MSH4: variants seen among roughly 807,000 people sequenced by gnomAD.
MSH4 encodes the protein mutS homolog 4, also known as mutS protein homolog 4.
MSH4 carries 106 observed loss-of-function variants against 113.7 expected under a neutral mutation model. The ratio of observed to expected loss-of-function variants is 0.93; its 90% CI spans 0.80 to 1.10. The LOEUF (loss-of-function observed/expected upper bound fraction) is 1.10, where lower values mean the gene tolerates loss of function less well. Among genes scored for constraint, MSH4 ranks in the 50% least tolerant of loss-of-function variants. MSH4 has a pLI of 0.00. For synonymous variants in MSH4, 368 were observed against 380.2 expected (o/e 0.97, Z 0.37); for missense variants, 1,061 against 1,093.7 (o/e 0.97, Z 0.42).
chr1:75,852,100 A>G (rs1175005845), intron 8 of MSH4, among the ~76,000 whole-genome samples: 1 of 152,230 alleles, frequency 6.6e-6, no homozygotes, highest in Admixed American at 6.5e-5. Context: ...AGATTTGCCT[A>G]TCCTGGACAT....
chr1:75,800,949 CAG>C (rs58314453), intron 1 of MSH4, among the ~76,000 whole-genome samples: 38,161 of 151,898 alleles, frequency 0.25, 6,183 homozygotes, highest in East Asian at 0.68. Context: ...GACTGAGGAA[CAG>C]AATTTAAATT....
chr1:75,814,828 G>C (rs541232655), intron 4 of MSH4, among the ~76,000 whole-genome samples, 193 bp from the exon 5 acceptor site: 1 of 152,000 alleles, frequency 6.6e-6, no homozygotes, highest in African/African-American at 2.4e-5. Flanking sequence ...TCTAATAAGA[G>C]ATACAAACTA....
Position 75,880,153 on chromosome 1 carries a change from T to G in MSH4, c.1781T>G (p.Met594Arg). 1 of 1,453,462 alleles carries G rather than the reference T, an allele frequency of 6.9e-7. No homozygotes were observed. Among genetic ancestry groups the G allele is most frequent in the Non-Finnish European group, 9.5e-7 (1 of 1,052,050 alleles). 90.0% of individuals were successfully genotyped at this position (1,453,462 alleles called of 1,614,324 possible). Residue 594 changes from methionine to arginine, a missense_variant and splice_region_variant, in exon 13 of 20, where the codon ATG (methionine) becomes AGG (arginine). Physicochemically the swap from Met to Arg is moderately conservative, Grantham distance 91 (BLOSUM62 -1). Transcript: ENST00000263187. ...AGAGAAATCTATCACATGACTTATATGTAAGAGCATTTGAAGTATTTGAAT... is the reference window on the plus strand; with the variant it reads ...AGAGAAATCTATCACATGACTTATAGGTAAGAGCATTTGAAGTATTTGAAT... Reference protein sequence around the residue: ...SLREIYHMTYMIVCKLLSEIY... With the variant: ...SLREIYHMTYRIVCKLLSEIY...
chr1:75,848,169 C>T, intron 7 of MSH4, 40 bp from the exon 8 acceptor site: 1 of 1,319,792 alleles, frequency 7.6e-7, no homozygotes, highest in Non-Finnish European at 1.1e-6. Flanking sequence ...TTGAACTGTA[C>T]CATAAAGTTT....
At position 75,852,079 on chromosome 1, in the gene MSH4, T is replaced by C. The variant is rs143543858; in HGVS notation, c.1230+3803T>C. On this transcript the variant is annotated intron_variant, in intron 8 of 19. Transcript: ENST00000263187. ...GCCTTAGACAACCAGTAATCTATTG[T>C]CTGTCTCTACAGATTTGCCTATCCT... 2.9e-3 allele frequency among the ~76,000 whole-genome samples: 435 copies of C among 152,324 alleles called. 5 individuals carry two copies. The highest frequency in any genetic ancestry group is 0.01 in the African/African-American group (421 of 41,576).
At chr1:75,861,795 C>A (rs994476203) in intron 8 of MSH4, among the ~76,000 whole-genome samples, 1 of 152,226 alleles carries the variant, frequency 6.6e-6, no homozygotes, top group African/African-American at 2.4e-5. Context: ...CCACTGCTCT[C>A]TTCAGAGCTG....
intron 6 of MSH4, among the ~76,000 whole-genome samples, chr1:75,821,905 G>A (rs540647594): frequency 1.2e-4 from 19 of 152,242 alleles, no homozygotes; most frequent in African/African-American, 4.1e-4. Context: ...GCAACCGTGC[G>A]TGGCCCAAAA....
At chr1:75,850,241 C>A (rs1204856125) in intron 8 of MSH4, among the ~76,000 whole-genome samples, 1 of 152,058 alleles carries the variant, frequency 6.6e-6, no homozygotes, top group Non-Finnish European at 1.5e-5. Flanking sequence ...AAGGAGGAAG[C>A]TGAGGTCATT....
chr1:75,824,547 A>G (rs1650502864), intron 7 of MSH4, among the ~76,000 whole-genome samples: 1 of 152,188 alleles, frequency 6.6e-6, no homozygotes, highest in African/African-American at 2.4e-5. Flanking sequence ...GTCTTTGCCT[A>G]TGCCTATATC....
At chr1:75,849,001 G>A (rs569817456) in intron 8 of MSH4, among the ~76,000 whole-genome samples, 7 of 152,160 alleles carry the variant, frequency 4.6e-5, no homozygotes, top group Admixed American at 4.6e-4. Flanking sequence ...GTGCGATTTT[G>A]GCTCACTGCA....
At chr1:75,802,226 C>T (rs1482691459) in intron 1 of MSH4, among the ~76,000 whole-genome samples, 1 of 151,928 alleles carries the variant, frequency 6.6e-6, no homozygotes, top group Non-Finnish European at 1.5e-5. Flanking sequence ...TTTAAGGAGT[C>T]GTTACAGCTA....
intron 17 of MSH4, among the ~76,000 whole-genome samples, chr1:75,891,690 GTGAT>G (rs1220764358): frequency 6.6e-6 from 1 of 152,154 alleles, no homozygotes; most frequent in Non-Finnish European, 1.5e-5. Context: ...CTGGGCTCAA[GTGAT>G]CCACTCACTT....
intron 2 of MSH4, among the ~76,000 whole-genome samples, chr1:75,804,870 C>G (rs1261459670): frequency 6.6e-6 from 1 of 151,644 alleles, no homozygotes; most frequent in Non-Finnish European, 1.5e-5. Flanking sequence ...GCTCTGTCGC[C>G]CAGGCTGGAA....
chr1:75,803,717 T>A lies in MSH4; in HGVS notation c.245-14T>A. On this transcript the variant is annotated splice_polypyrimidine_tract_variant and intron_variant, in intron 1 of 19. Coordinates refer to ENST00000263187, the MANE Select transcript of MSH4 (RefSeq NM_002440.4). ...CAAATCTTTAAGAATTGACTGTTAA[T>A]TTTTCAAATTTAGGTTCATACTTTG... 6.6e-7 allele frequency: 1 copy of A among 1,526,270 alleles called. No homozygotes were observed. The highest frequency in any genetic ancestry group is 8.8e-7 in the Non-Finnish European group (1 of 1,136,558). The allele number at this position is 1,526,270 out of a possible 1,614,324, so 94.5% of individuals were successfully genotyped here. A position where few individuals can be genotyped will look rare whatever the true frequency, so the allele number is the denominator to read the frequency against.
At chr1:75,829,225 C>T (rs542666595) in intron 7 of MSH4, among the ~76,000 whole-genome samples, 35 of 152,238 alleles carry the variant, frequency 2.3e-4, no homozygotes, top group African/African-American at 7.2e-4. Flanking sequence ...AAGGTGGCAG[C>T]GAGGCTGGGG....
intron 9 of MSH4, among the ~76,000 whole-genome samples, chr1:75,875,359 G>A (rs993729936): frequency 6.6e-6 from 1 of 152,190 alleles, no homozygotes; most frequent in Admixed American, 6.5e-5. Flanking sequence ...AAAAATGTGT[G>A]ATGGGCTTAT....
chr1:75,902,666 T>A (rs1652529308), intron 19 of MSH4, among the ~76,000 whole-genome samples: 2 of 121,088 alleles, frequency 1.7e-5, no homozygotes, highest in South Asian at 5.6e-4. Flanking sequence ...GTGTTATATA[T>A]GTGTATGTAT....
At position 75,899,650 on chromosome 1, in the gene MSH4, C is replaced by A; in HGVS notation, c.2563C>A (p.Pro855Thr). ...LKAAEVSSLPPSIVLDAKEIT... is the reference protein window; with the variant it reads ...LKAAEVSSLPTSIVLDAKEIT... ...AGCTGCAGAGGTGTCATCACTTCCA[C>A]CATCAATTGTCTTGGATGCCAAGGA... Residue 855 changes from proline to threonine, a missense_variant, in exon 19 of 20, where the codon CCA (proline) becomes ACA (threonine). Transcript: ENST00000263187. The A allele has an allele frequency of 6.6e-7, 1 of 1,510,894 alleles. No individual in the cohort carries two copies. Among genetic ancestry groups the A allele is most frequent in the South Asian group, 1.4e-5 (1 of 72,858 alleles). The allele number at this position is 1,510,894 out of a possible 1,614,324, so 93.6% of individuals were successfully genotyped here.
chr1:75,800,417 T>C (rs1387317332), intron 1 of MSH4, among the ~76,000 whole-genome samples: 1 of 152,166 alleles, frequency 6.6e-6, no homozygotes, highest in Non-Finnish European at 1.5e-5. Flanking sequence ...AGAGAGATAC[T>C]GATCAGATTT....
Sources: allele counts gnomAD v4.1 joint callset (sites outside exome capture counted in the v4.1 genomes callset), GRCh38; gene constraint gnomAD v4.1.1; transcripts MANE v1.5; gene names NCBI Gene and HGNC (gene_info 2026-07-23, HGNC 2026-07-21).